The following RBMS3 variants were observed in gnomAD, a reference collection of about 807,000 sequenced individuals.
RBMS3 encodes RNA binding motif single stranded interacting protein 3, also known as RNA-binding motif, single-stranded-interacting protein 3.
RBMS3 carries 27 observed loss-of-function variants against 66.8 expected under a neutral mutation model. That is an observed-to-expected ratio of 0.40 (90% CI 0.30 to 0.56). RBMS3 has a LOEUF of 0.56. Among genes scored for constraint, RBMS3 ranks in the 20% least tolerant of loss-of-function variants. The probability of loss-of-function intolerance (pLI) is 0.40; values close to 1 mark genes in which losing one functional copy is unlikely to be tolerated. For synonymous variants in RBMS3, 188 were observed against 183.0 expected, an observed-to-expected ratio of 1.03 and a Z score of -0.22; for missense variants, 513 against 549.5, an observed-to-expected ratio of 0.93 and a Z score of 0.66.
chr3:29,917,923 T>C (rs945932381), intron 10 of RBMS3, among the ~76,000 whole-genome samples: 1 of 152,172 alleles, frequency 6.6e-6, no homozygotes, highest in Non-Finnish European at 1.5e-5. Flanking sequence ...CTTATTCAGA[T>C]TACAGAGAAG....
intron 7 of RBMS3, among the ~76,000 whole-genome samples, chr3:29,870,253 G>A (rs763063409): frequency 1.3e-5 from 2 of 152,018 alleles, no homozygotes; most frequent in Non-Finnish European, 2.9e-5. Context: ...TAACCCTATT[G>A]GCCTCAGAAG....
intron 4 of RBMS3, among the ~76,000 whole-genome samples, chr3:29,663,162 C>T (rs1451101914): frequency 6.6e-6 from 1 of 152,164 alleles, no homozygotes; most frequent in Non-Finnish European, 1.5e-5. Flanking sequence ...AATGTTGCCT[C>T]TCCACAATTT....
At chr3:29,479,673 AG>A (rs555972631) in intron 2 of RBMS3, among the ~76,000 whole-genome samples, 1 of 152,194 alleles carries the variant, frequency 6.6e-6, no homozygotes, top group African/African-American at 2.4e-5. Flanking sequence ...TAGCAAGAAA[AG>A]GGGAAATTAG....
At chr3:29,514,863 TGTC>T (rs2044562824) in intron 3 of RBMS3, among the ~76,000 whole-genome samples, 2 of 151,678 alleles carry the variant, frequency 1.3e-5, no homozygotes, top group Non-Finnish European at 2.9e-5. Context: ...AATACCTAAC[TGTC>T]AGTGAGTACT....
intron 2 of RBMS3, among the ~76,000 whole-genome samples, chr3:29,475,494 T>A (rs536494992): frequency 3.4e-4 from 52 of 152,138 alleles, no homozygotes; most frequent in African/African-American, 1.2e-3. Context: ...AGGCAATCCG[T>A]CCAGCTCAGC....
intron 2 of RBMS3, among the ~76,000 whole-genome samples, chr3:29,458,077 T>C (rs2125774081): frequency 6.6e-6 from 1 of 152,328 alleles, no homozygotes; most frequent in East Asian, 1.9e-4. Context: ...CATAGCACCT[T>C]GTCCTTAGTC....
chr3:29,858,749 G>T (rs562157596), intron 6 of RBMS3, among the ~76,000 whole-genome samples: 2 of 152,306 alleles, frequency 1.3e-5, no homozygotes, highest in African/African-American at 4.8e-5. Flanking sequence ...GGGCATGGTT[G>T]TTCCTTTTAG....
chr3:29,309,265 G>A (rs1470293331), intron 1 of RBMS3, among the ~76,000 whole-genome samples: 5 of 151,718 alleles, frequency 3.3e-5, no homozygotes, highest in Non-Finnish European at 7.4e-5. Context: ...GAGACATGAC[G>A]GAGAGTTAAG....
At position 29,507,093 on chromosome 3, in the gene RBMS3, GT is replaced by G. The variant is rs144213156; in HGVS notation, c.307+18603del. 1.6e-3 allele frequency among the ~76,000 whole-genome samples: 226 copies of G among 144,016 alleles called. 2 individuals carry two copies. Among genetic ancestry groups the G allele is most frequent in the Non-Finnish European group, 1.7e-3 (111 of 65,312 alleles). The allele number at this position is 144,016 out of a possible 152,430, so 94.5% of individuals were successfully genotyped here. ...TTCACTTATTTCTGCTCTGATCTTTGTTTTTTTTTATTCTGCTAACTTTGGC... is the reference window on the plus strand; with the variant it reads ...TTCACTTATTTCTGCTCTGATCTTTGTTTTTTTTATTCTGCTAACTTTGGC... On this transcript the variant is annotated intron_variant, in intron 3 of 14. Transcript: ENST00000383767.
chr3:29,438,768 C>A (rs559361979), intron 2 of RBMS3, among the ~76,000 whole-genome samples: 2 of 152,172 alleles, frequency 1.3e-5, no homozygotes, highest in South Asian at 2.1e-4. Context: ...CAGATTATAT[C>A]CTGCATGCCT....
At chr3:29,609,222 C>T (rs73831618) in intron 4 of RBMS3, among the ~76,000 whole-genome samples, 2,066 of 152,104 alleles carry the variant, frequency 0.014, 34 homozygotes, top group African/African-American at 0.039. Context: ...GACAGGTTAA[C>T]GAACACTTTA....
At chr3:29,575,552 G>A (rs2047091617) in intron 3 of RBMS3, among the ~76,000 whole-genome samples, 1 of 152,012 alleles carries the variant, frequency 6.6e-6, no homozygotes, top group Non-Finnish European at 1.5e-5. Flanking sequence ...CTCTAGGTTT[G>A]GGAAGTTCTC....
At chr3:29,398,307 A>G (rs1284446235) in intron 1 of RBMS3, among the ~76,000 whole-genome samples, 1 of 152,128 alleles carries the variant, frequency 6.6e-6, no homozygotes, top group African/African-American at 2.4e-5. Context: ...ACACCAAGAC[A>G]GTCTTTACAG....
chr3:29,404,253 G>A lies in RBMS3; in HGVS notation c.76-30490G>A, dbSNP rs546047130. On this transcript the variant is annotated intron_variant, in intron 1 of 14. Coordinates refer to ENST00000383767, the MANE Select transcript of RBMS3 (RefSeq NM_001003793.3). ...TCACAGTTTTGAGTGGGACCAATCC[G>A]TGAATCACACTGAGATCACTGATTT... 7.2e-5 allele frequency among the ~76,000 whole-genome samples: 11 copies of A among 152,174 alleles called. 1 individual carries two copies. The South Asian group carries it at 2.1e-3, about 29-fold the overall frequency.
At position 29,547,408 on chromosome 3, in the gene RBMS3, A is replaced by T. The variant is rs2045999111; in HGVS notation, c.308-39706A>T. Among the ~76,000 whole-genome samples the T allele has an allele frequency of 2.0e-5, 3 of 152,236 alleles. No individual in the cohort carries two copies. In the South Asian group the frequency reaches 6.2e-4, roughly 32 times the overall value. ...TAACTTGCTTCTCACTTTCAGAAAG[A>T]TCCTGAGCAGCTGATCTATCATTAC... is the stretch of plus-strand genomic sequence containing the variant. On this transcript the variant is annotated intron_variant, in intron 3 of 14. Coordinates refer to ENST00000383767, the MANE Select transcript of RBMS3 (RefSeq NM_001003793.3).
chr3:29,691,949 A>ATTTTTTTTT (rs1294126975), intron 4 of RBMS3, among the ~76,000 whole-genome samples: 1,669 of 64,874 alleles, frequency 0.026, 358 homozygotes, highest in Non-Finnish European at 0.037. Flanking sequence ...CTCTCTCTCT[A>ATTTTTTTTT]TTTTTTTTTT....
intron 8 of RBMS3, among the ~76,000 whole-genome samples, chr3:29,885,738 G>A (rs2059854512): frequency 6.6e-6 from 1 of 151,796 alleles, no homozygotes; most frequent in African/African-American, 2.4e-5. Context: ...GCATGCATAT[G>A]TATGCACATG....
At chr3:29,327,836 T>A (rs1218938811) in intron 1 of RBMS3, among the ~76,000 whole-genome samples, 1 of 152,174 alleles carries the variant, frequency 6.6e-6, no homozygotes, top group Non-Finnish European at 1.5e-5. Context: ...CTATTGCCAT[T>A]TCAGTTCATC....
At chr3:29,439,931 A>C (rs1313692577) in intron 2 of RBMS3, among the ~76,000 whole-genome samples, 1 of 152,230 alleles carries the variant, frequency 6.6e-6, no homozygotes, top group Non-Finnish European at 1.5e-5. Flanking sequence ...CTTGGATCAT[A>C]TATATCCTTT....
Sources: allele counts gnomAD v4.1 joint callset (sites outside exome capture counted in the v4.1 genomes callset), GRCh38; gene constraint gnomAD v4.1.1; transcripts MANE v1.5; gene names NCBI Gene and HGNC (gene_info 2026-07-23, HGNC 2026-07-21).